The following RALYL variants were observed in gnomAD, a reference collection of about 807,000 sequenced individuals.
The protein encoded by RALYL is RNA-binding Raly-like protein.
Under a neutral mutation model 35.1 loss-of-function variants are expected in RALYL, and 29 were observed. The ratio of observed to expected loss-of-function variants is 0.83; its 90% CI spans 0.61 to 1.13. RALYL has a LOEUF of 1.13. Ranked by LOEUF, RALYL falls within the 50% of genes most tolerant of loss-of-function variation. The pLI, the probability that RALYL is intolerant of heterozygous loss-of-function variation, is 0.00. For missense variants in RALYL, 359 were observed against 360.4 expected (o/e 1.00, Z 0.03); for synonymous variants, 120 against 127.6 (o/e 0.94, Z 0.40).
At chr8:84,286,804 G>T (rs1585950103) in intron 1 of RALYL, among the ~76,000 whole-genome samples, 1 of 152,084 alleles carries the variant, frequency 6.6e-6, no homozygotes, top group East Asian at 1.9e-4. Flanking sequence ...TGTTAGTTCT[G>T]GCCTCTGGGT....
At chr8:84,504,934 G>A (rs539565555) in intron 1 of RALYL, among the ~76,000 whole-genome samples, 68 of 152,152 alleles carry the variant, frequency 4.5e-4, no homozygotes, top group Admixed American at 1.2e-3. Flanking sequence ...TGCTACGCCC[G>A]CACCCCTATT....
chr8:84,239,142 GT>G (rs1455015831), intron 1 of RALYL, among the ~76,000 whole-genome samples: 2 of 152,132 alleles, frequency 1.3e-5, no homozygotes, highest in Non-Finnish European at 2.9e-5. Context: ...TTGATGTATG[GT>G]TTGACCATTC....
intron 1 of RALYL, among the ~76,000 whole-genome samples, chr8:84,284,354 TTCAAAAGTCA>T (rs746360798): frequency 2.1e-4 from 32 of 152,276 alleles, no homozygotes; most frequent in Non-Finnish European, 3.1e-4. Flanking sequence ...GTTTTTTAGC[TTCAAAAGTCA>T]TCTGTAGTTC....
chr8:84,497,642 G>GTTTTTTTTTTTTTTTT (rs71271999), intron 1 of RALYL, among the ~76,000 whole-genome samples: 54 of 117,194 alleles, frequency 4.6e-4, no homozygotes, highest in Middle Eastern at 5.5e-3. Flanking sequence ...TTTTGTTTTT[G>GTTTTTTTTTTTTTTTT]TTTTTTTTTT....
intron 2 of RALYL, among the ~76,000 whole-genome samples, chr8:84,760,089 T>A (rs1156839157): frequency 6.6e-6 from 1 of 152,190 alleles, no homozygotes; most frequent in Admixed American, 6.5e-5. Context: ...CAAGCTAATT[T>A]ATCCATGTAC....
intron 4 of RALYL, among the ~76,000 whole-genome samples, chr8:84,833,303 C>CT (rs536473507): frequency 8.9e-4 from 135 of 152,122 alleles, no homozygotes; most frequent in African/African-American, 3.2e-3. Flanking sequence ...AATTATTACC[C>CT]TTTTTTTATA....
chr8:84,698,207 C>T (rs1839512432), intron 2 of RALYL, among the ~76,000 whole-genome samples: 1 of 152,054 alleles, frequency 6.6e-6, no homozygotes, highest in South Asian at 2.1e-4. Flanking sequence ...TCCTACCTCG[C>T]ATCACTGCTT....
At chr8:84,318,727 T>C (rs1241829958) in intron 1 of RALYL, among the ~76,000 whole-genome samples, 1 of 152,142 alleles carries the variant, frequency 6.6e-6, no homozygotes, top group Non-Finnish European at 1.5e-5. Context: ...TGAATGGCAG[T>C]ATAGGAGTGA....
At position 84,792,389 on chromosome 8, in the gene RALYL, C is replaced by T. The variant is rs1055423415; in HGVS notation, c.333-12381C>T. 3.9e-5 allele frequency among the ~76,000 whole-genome samples: 6 copies of T among 152,106 alleles called. No individual in the cohort carries two copies. The East Asian group carries it at 5.8e-4, about 15-fold the overall frequency. On this transcript the variant is annotated intron_variant, in intron 3 of 8. Transcript: ENST00000521268. Reference sequence around the variant, plus strand: ...CCCCAGCCAAACTCCTCTTGGTGTACGGACACTTCTTCTCTTCTCTCTGCT... The same window carrying T: ...CCCCAGCCAAACTCCTCTTGGTGTATGGACACTTCTTCTCTTCTCTCTGCT...
intron 3 of RALYL, among the ~76,000 whole-genome samples, chr8:84,786,061 G>C (rs534291942): frequency 6.6e-6 from 1 of 152,250 alleles, no homozygotes; most frequent in South Asian, 2.1e-4. Context: ...GCTCCCACTT[G>C]TAAGTGAGAA....
At chr8:84,386,524 G>T (rs1420024910) in intron 1 of RALYL, among the ~76,000 whole-genome samples, 1 of 151,778 alleles carries the variant, frequency 6.6e-6, no homozygotes, top group Non-Finnish European at 1.5e-5. Context: ...TTTCAATATA[G>T]TTCCATTGGG....
Position 84,337,758 on chromosome 8 carries a change from T to C in RALYL, c.-24+153334T>C, listed in dbSNP as rs190966747. On this transcript the variant is annotated intron_variant, in intron 1 of 8. Coordinates refer to ENST00000521268, the MANE Select transcript of RALYL (RefSeq NM_173848.7). ...TTCATCAAATTGACAGTTTCCTTAC[T>C]TTTGTAAATAGGCATTTGATACACC... Among the ~76,000 whole-genome samples, 224 of 152,242 alleles carry C rather than the reference T, an allele frequency of 1.5e-3. 2 individuals are homozygous for C. Among genetic ancestry groups the C allele is most frequent in the Non-Finnish European group, 2.5e-3 (172 of 67,996 alleles).
At chr8:84,813,488 A>C (rs1244165598) in intron 4 of RALYL, among the ~76,000 whole-genome samples, 1 of 152,226 alleles carries the variant, frequency 6.6e-6, no homozygotes, top group Admixed American at 6.5e-5. Context: ...ACATGTCAGA[A>C]TAAGTGCATG....
At chr8:84,595,239 A>G (rs1454164880) in intron 2 of RALYL, among the ~76,000 whole-genome samples, 2 of 152,148 alleles carry the variant, frequency 1.3e-5, no homozygotes, top group East Asian at 1.9e-4. Flanking sequence ...TGTACCATCT[A>G]TATAAAGAAT....
At chr8:84,436,102 A>G (rs997848300) in intron 1 of RALYL, among the ~76,000 whole-genome samples, 5 of 152,168 alleles carry the variant, frequency 3.3e-5, no homozygotes, top group African/African-American at 1.2e-4. Flanking sequence ...ACGTAAAAAA[A>G]TTAGAGATTC....
At chr8:84,630,686 C>A (rs190468499) in intron 2 of RALYL, among the ~76,000 whole-genome samples, 1 of 152,062 alleles carries the variant, frequency 6.6e-6, no homozygotes, top group East Asian at 1.9e-4. Flanking sequence ...GCTGACATTA[C>A]CAAACTAAAA....
intron 1 of RALYL, among the ~76,000 whole-genome samples, chr8:84,483,280 T>G (rs984534622): frequency 3.3e-5 from 5 of 152,134 alleles, no homozygotes; most frequent in Non-Finnish European, 5.9e-5. Context: ...ATAACTTAAT[T>G]TTTTTCCTCT....
chr8:84,230,482 T>C (rs1415308372), intron 1 of RALYL, among the ~76,000 whole-genome samples: 2 of 152,158 alleles, frequency 1.3e-5, no homozygotes, highest in East Asian at 1.9e-4. Flanking sequence ...ATCCTGTGAA[T>C]AATGTGAACA....
At chr8:84,720,137 T>C (rs1843628621) in intron 2 of RALYL, among the ~76,000 whole-genome samples, 1 of 152,090 alleles carries the variant, frequency 6.6e-6, no homozygotes, top group African/African-American at 2.4e-5. Context: ...ACATACTGTG[T>C]TGAAATAGAA....
Sources: gnomAD v4.1 joint callset for allele counts (sites outside exome capture counted in the v4.1 genomes callset) on GRCh38, gnomAD v4.1.1 for gene constraint, MANE v1.5 for transcripts, NCBI Gene and HGNC (gene_info 2026-07-23, HGNC 2026-07-21) for gene names.